CHN2: variants seen among roughly 807,000 people sequenced by gnomAD.
CHN2 encodes beta-chimaerin.
A neutral mutation model predicts 56.3 loss-of-function variants in CHN2; 35 were observed. The ratio of observed to expected loss-of-function variants is 0.62; its 90% CI spans 0.47 to 0.82. The LOEUF is 0.82. Ranked by LOEUF, CHN2 falls within the 40% of genes least tolerant of loss-of-function variation. The pLI, the probability that CHN2 is intolerant of heterozygous loss-of-function variation, is 0.00. For synonymous variants in CHN2, 210 were observed against 212.8 expected, an observed-to-expected ratio of 0.99 and a Z score of 0.12; for missense variants, 491 against 580.5, an observed-to-expected ratio of 0.85 and a Z score of 1.58.
intron 1 of CHN2, among the ~76,000 whole-genome samples, chr7:29,334,805 A>G (rs1448925256): frequency 6.6e-6 from 1 of 152,054 alleles, no homozygotes; most frequent in Admixed American, 6.6e-5. Context: ...GCTTGTCGTG[A>G]CTCTGTCCCC....
intron 6 of CHN2, among the ~76,000 whole-genome samples, chr7:29,437,104 A>G (rs1783283376): frequency 6.6e-6 from 1 of 152,242 alleles, no homozygotes; most frequent in South Asian, 2.1e-4. Flanking sequence ...ATCTATGTAA[A>G]TATATATTTG....
At chr7:29,190,009 C>T (rs901230540), upstream of CHN2, among the ~76,000 whole-genome samples, 5 of 152,220 alleles carry the variant, frequency 3.3e-5, no homozygotes, top group African/African-American at 1.2e-4. Context: ...CCGCTACCTG[C>T]GGCGTCTGAG....
chr7:29,482,470 A>T (rs910367816), intron 7 of CHN2, among the ~76,000 whole-genome samples: 2 of 152,142 alleles, frequency 1.3e-5, no homozygotes, highest in African/African-American at 4.8e-5. Context: ...TTTTGGAAGA[A>T]CATTCAAAAA....
At chr7:29,180,109 T>A (rs1797869114) in intron 2 of CHN2, among the ~76,000 whole-genome samples, 1 of 152,258 alleles carries the variant, frequency 6.6e-6, no homozygotes, top group Non-Finnish European at 1.5e-5. Context: ...TCATTCTTAA[T>A]ATTCCGAAGT....
intron 2 of CHN2, among the ~76,000 whole-genome samples, chr7:29,180,623 T>C (rs759598378): frequency 8.6e-5 from 13 of 151,974 alleles, no homozygotes; most frequent in Non-Finnish European, 1.6e-4. Flanking sequence ...GATGAGCCAA[T>C]AAAAATACCT....
rs1207897273 is a variant in CHN2, at chr7:29,444,313, A to C, written c.577-35966A>C. 2.0e-5 allele frequency among the ~76,000 whole-genome samples: 3 copies of C among 152,212 alleles called. No homozygotes were observed. The East Asian group carries it at 5.8e-4, about 29-fold the overall frequency. On this transcript the variant is annotated intron_variant, in intron 6 of 12. Coordinates refer to ENST00000222792, the MANE Select transcript of CHN2 (RefSeq NM_004067.4). ...TGCATAACAAATTACCCCAAAATGTAGTGACTTTAAACACCAAGAAGCATT... is the reference window on the plus strand; with the variant it reads ...TGCATAACAAATTACCCCAAAATGTCGTGACTTTAAACACCAAGAAGCATT...
At chr7:29,486,002 C>T (rs890618839) in intron 7 of CHN2, among the ~76,000 whole-genome samples, 1 of 152,096 alleles carries the variant, frequency 6.6e-6, no homozygotes, top group African/African-American at 2.4e-5. Flanking sequence ...TGTGTGTTCC[C>T]CACTCCCTTT....
intron 1 of CHN2, among the ~76,000 whole-genome samples, chr7:29,233,825 ATTTTTTTTTTTTTT>A (rs1175429614): frequency 1.9e-5 from 1 of 53,178 alleles, no homozygotes; most frequent in African/African-American, 6.9e-5. Flanking sequence ...CAACACCTTG[ATTTTTTTTTTTTTT>A]TTTTTTTTTT....
rs11436612 is a variant in CHN2, at chr7:29,437,597, C to CAAAAA, written c.576+36781_576+36785dup. Reference sequence around the variant, plus strand: ...TGGGCGACAGAGCGAGACTCCGTCTCAAAAAAAAAAAAAAAAGATATCTAA... The same window carrying CAAAAA: ...TGGGCGACAGAGCGAGACTCCGTCTCAAAAAAAAAAAAAAAAAAAAAGATATCTAA... On this transcript the variant is annotated intron_variant, in intron 6 of 12. Coordinates refer to ENST00000222792, the MANE Select transcript of CHN2 (RefSeq NM_004067.4). 3.2e-4 allele frequency among the ~76,000 whole-genome samples: 17 copies of CAAAAA among 52,624 alleles called. 1 individual carries two copies. The highest frequency in any genetic ancestry group is 7.2e-4 in the Admixed American group (4 of 5,584). 34.5% of individuals were successfully genotyped at this position (52,624 alleles called of 152,430 possible).
At chr7:29,188,519 T>C (rs1343595973) in intron 2 of CHN2, among the ~76,000 whole-genome samples, 1 of 152,140 alleles carries the variant, frequency 6.6e-6, no homozygotes, top group Non-Finnish European at 1.5e-5. Context: ...GCCCATTTAC[T>C]CTCCTTTTTT....
intron 7 of CHN2, among the ~76,000 whole-genome samples, chr7:29,481,716 C>T (rs1787269552): frequency 7.1e-6 from 1 of 140,266 alleles, no homozygotes; most frequent in East Asian, 2.1e-4. Context: ...TTTTTTTGGC[C>T]TTAAGAAAGT....
intron 1 of CHN2, among the ~76,000 whole-genome samples, chr7:29,206,940 G>A (rs1303462024): frequency 6.6e-6 from 1 of 152,216 alleles, no homozygotes; most frequent in African/African-American, 2.4e-5. Context: ...CTGCGGCTGA[G>A]AGGTTTGGAG....
intron 7 of CHN2, among the ~76,000 whole-genome samples, chr7:29,484,901 C>T (rs1787788976): frequency 1.3e-5 from 2 of 152,144 alleles, no homozygotes; most frequent in African/African-American, 4.8e-5. Context: ...AATCTAATTG[C>T]TCCTAAGTGT....
chr7:29,355,569 G>A (rs557542457), intron 2 of CHN2, among the ~76,000 whole-genome samples: 1 of 151,858 alleles, frequency 6.6e-6, no homozygotes, highest in East Asian at 2.0e-4. Context: ...AGTGAGAGAG[G>A]GCAGGACTGT....
At chr7:29,254,261 T>C (rs1007845016) in intron 1 of CHN2, among the ~76,000 whole-genome samples, 2 of 152,208 alleles carry the variant, frequency 1.3e-5, no homozygotes, top group Admixed American at 6.5e-5. Flanking sequence ...GTCTTATATG[T>C]GTACCATGGT....
chr7:29,147,262 A>T lies in CHN2; in HGVS notation c.274+302A>T, dbSNP rs187808131. The stretch of plus-strand genomic sequence containing the variant: ...AAAATAAAGGAGGGTCATCATTATC[A>T]GCAACAGCAGCGTCAACTGCCAGAC... On this transcript the variant is annotated intron_variant, in intron 2 of 6. Transcript: ENST00000439384. 21 of 337,032 alleles carry T rather than the reference A, an allele frequency of 6.2e-5. No homozygotes were observed. In the Admixed American group the frequency reaches 7.7e-4, roughly 12 times the overall value. The allele number at this position is 337,032 out of a possible 1,614,324, so 20.9% of individuals were successfully genotyped here. A position where few individuals can be genotyped will look rare whatever the true frequency, so the allele number is the denominator to read the frequency against.
rs759213895 is a variant in CHN2 at position 29,296,235 on chromosome 7, C to G, written c.50-58390C>G. Among the ~76,000 whole-genome samples, 8 of 152,048 alleles carry G rather than the reference C, an allele frequency of 5.3e-5. No individual in the cohort carries two copies. The East Asian group carries it at 7.7e-4, about 15-fold the overall frequency. The stretch of plus-strand genomic sequence containing the variant: ...AGTAGCTGGGATTACAGGCGCCCAC[C>G]ACCACGCCCAGCTAATTTTGTGTAT... On this transcript the variant is annotated intron_variant, in intron 1 of 12. Coordinates refer to ENST00000222792, the MANE Select transcript of CHN2 (RefSeq NM_004067.4).
At position 29,252,585 on chromosome 7, in the gene CHN2, T is replaced by TGTTTTGTTTTGTTTTG. The variant is rs1562866477; in HGVS notation, c.49+57595_49+57596insGTTTTGTTTTGTTTTG. The stretch of plus-strand genomic sequence containing the variant: ...TCTAAAATTGCATTCTTTGTTTTTT[T>TGTTTTGTTTTGTTTTG]TTTTTTTTTTTTTTTTTTTTTGAGA... On this transcript the variant is annotated intron_variant, in intron 1 of 12. Coordinates refer to ENST00000222792, the MANE Select transcript of CHN2 (RefSeq NM_004067.4). Among the ~76,000 whole-genome samples, 8 of 23,068 alleles carry TGTTTTGTTTTGTTTTG rather than the reference T, an allele frequency of 3.5e-4. 2 individuals are homozygous for TGTTTTGTTTTGTTTTG. Among genetic ancestry groups the TGTTTTGTTTTGTTTTG allele is most frequent in the African/African-American group, 3.0e-3 (7 of 2,354 alleles). 15.1% of individuals were successfully genotyped at this position (23,068 alleles called of 152,430 possible).
At chr7:29,473,470 G>GTTTTTTTTTTTTTTTT (rs765290417) in intron 6 of CHN2, among the ~76,000 whole-genome samples, 1 of 93,508 alleles carries the variant, frequency 1.1e-5, no homozygotes, top group Non-Finnish European at 2.0e-5. Flanking sequence ...GTGTGTTTGT[G>GTTTTTTTTTTTTTTTT]TTTTTTTTTT....
Sources: allele counts gnomAD v4.1 joint callset (sites outside exome capture counted in the v4.1 genomes callset), GRCh38; gene constraint gnomAD v4.1.1; transcripts MANE v1.5; gene names NCBI Gene and HGNC (gene_info 2026-07-23, HGNC 2026-07-21).